The following PTPRS variants were observed in gnomAD, a reference collection of about 807,000 sequenced individuals.
PTPRS encodes protein tyrosine phosphatase receptor type S.
In PTPRS, 63 loss-of-function variants were observed where a neutral mutation model predicts 215.3. The observed-to-expected ratio is 0.29, with a 90% CI of 0.24 to 0.36. The LOEUF (loss-of-function observed/expected upper bound fraction) is 0.36, where lower values mean the gene tolerates loss of function less well. PTPRS is among the 10% of genes least tolerant of loss of function. The pLI, the probability that PTPRS is intolerant of heterozygous loss-of-function variation, is 1.00. For synonymous variants in PTPRS, 1,404 were observed against 1,191.4 expected, an observed-to-expected ratio of 1.18 and a Z score of -3.68; for missense variants, 2,258 against 2,825.8, an observed-to-expected ratio of 0.80 and a Z score of 4.56.
chr19:5,303,954 A>AAAAAAAAATAAAAATAAAATAAAAAT, intron 1 of PTPRS, among the ~76,000 whole-genome samples: 2 of 132,254 alleles, frequency 1.5e-5, no homozygotes, highest in African/African-American at 6.1e-5. Flanking sequence ...CTGTCTCAAA[A>AAAAAAAAATAAAAATAAAATAAAAAT]AATAATAATA....
rs748258452 is a variant in PTPRS, at chr19:5,206,846, G to A, written c.5779-4C>T. On this transcript the variant is annotated splice_region_variant and splice_polypyrimidine_tract_variant and intron_variant, in intron 37 of 37. Transcript: ENST00000262963. ...GGTAACAGAACTGGTACTCATCCTGGGGGAGCAGAGGTGACCTGTTAGTAC... is the reference window on the plus strand; with the variant it reads ...GGTAACAGAACTGGTACTCATCCTGAGGGAGCAGAGGTGACCTGTTAGTAC... The A allele has an allele frequency of 6.2e-7, 1 of 1,613,972 alleles. No homozygotes were observed. The highest frequency in any genetic ancestry group is 8.5e-7 in the Non-Finnish European group (1 of 1,179,878).
chr19:5,210,510 G>A lies in PTPRS; in HGVS notation c.5446C>T (p.Pro1816Ser), dbSNP rs1357194928. Residue 1816 changes from proline (P) to serine (S), a missense_variant, in exon 35 of 38, where the codon CCT (proline) becomes TCT (serine). By Grantham distance (74) the Pro-to-Ser change is moderately conservative (BLOSUM62 -1). Coordinates refer to ENST00000262963, the MANE Select transcript of PTPRS (RefSeq NM_002850.4). This position sits in a 1 kb window ranked among gnomAD's most constrained non-coding sequence, Gnocchi z 4.5. The stretch of plus-strand genomic sequence containing the variant: ...TTGAACTCTCGCAGGATATACTGAG[G>A]CATGTTGTATTCTGCCATCGGATCT... ...VVDPMAEYNM[P>S]QYILREFKVT... 5 of 1,614,064 alleles carry A rather than the reference G, an allele frequency of 3.1e-6. No homozygotes were observed. Among genetic ancestry groups the A allele is most frequent in the African/African-American group, 1.3e-5 (1 of 74,924 alleles).
At chr19:5,311,029 G>A (rs1359050907) in intron 1 of PTPRS, among the ~76,000 whole-genome samples, 1 of 152,116 alleles carries the variant, frequency 6.6e-6, no homozygotes, top group Non-Finnish European at 1.5e-5. Context: ...ATAGGTGCAT[G>A]CCACCACGCC....
Position 5,216,807 on chromosome 19 carries a change from G to T in PTPRS, c.4049-40C>A. 2.8e-6 allele frequency: 4 copies of T among 1,408,776 alleles called. No homozygotes were observed. The South Asian group carries it at 3.7e-5, about 13-fold the overall frequency. 87.3% of individuals were successfully genotyped at this position (1,408,776 alleles called of 1,614,324 possible). A position where few individuals can be genotyped will look rare whatever the true frequency, so the allele number is the denominator to read the frequency against. On this transcript the variant is annotated intron_variant, in intron 25 of 37. Coordinates refer to ENST00000262963, the MANE Select transcript of PTPRS (RefSeq NM_002850.4). ...CAATAAATAAATGAAAACATGCAGG[G>T]GGTAGGGGGGGGTCCCACCTCTGCC...
chr19:5,330,743 G>T (rs1197227658), intron 1 of PTPRS, among the ~76,000 whole-genome samples: 1 of 152,188 alleles, frequency 6.6e-6, no homozygotes, highest in African/African-American at 2.4e-5. Context: ...CCGAACCTGG[G>T]GCGTTCAGAC....
intron 9 of PTPRS, among the ~76,000 whole-genome samples, chr19:5,255,637 CAG>C (rs2045492910): frequency 6.7e-6 from 1 of 150,370 alleles, no homozygotes; most frequent in African/African-American, 2.4e-5. Flanking sequence ...AAGAGAAAAA[CAG>C]AACAGAAGAC....
At position 5,207,916 on chromosome 19, in the gene PTPRS, C is replaced by T; in HGVS notation, c.5778+6G>A. On this transcript the variant is annotated splice_donor_region_variant and intron_variant, in intron 37 of 37. Transcript: ENST00000262963. ...AGGCTGCCTCCCCTCCCTGTCCCAT[C>T]TTTACCTCTGTCTGCACCATGGCCG... is the stretch of plus-strand genomic sequence containing the variant. The T allele has an allele frequency of 1.9e-6, 3 of 1,613,286 alleles. No homozygotes were observed. Among genetic ancestry groups the T allele is most frequent in the South Asian group, 1.1e-5 (1 of 91,050 alleles).
At chr19:5,268,307 G>A (rs2046607427) in intron 4 of PTPRS, among the ~76,000 whole-genome samples, 1 of 152,130 alleles carries the variant, frequency 6.6e-6, no homozygotes, top group African/African-American at 2.4e-5. Context: ...CGTCCAGCCT[G>A]TAGAGCCAAA....
At chr19:5,247,936 G>A (rs571632107) in intron 9 of PTPRS, among the ~76,000 whole-genome samples, 348 of 151,880 alleles carry the variant, frequency 2.3e-3, no homozygotes, top group Non-Finnish European at 3.9e-3. Flanking sequence ...AGACAGGATG[G>A]AGGGAGTGGA....
chr19:5,260,887 C>G (rs2045942526), intron 6 of PTPRS, 65 bp from the exon 7 acceptor site: 7 of 1,580,502 alleles, frequency 4.4e-6, no homozygotes, highest in Non-Finnish European at 6.1e-6. Flanking sequence ...CCGGGGGGCC[C>G]CAGGGAAGCT....
chr19:5,235,704 C>G (rs1318407965), intron 13 of PTPRS, among the ~76,000 whole-genome samples: 2 of 152,284 alleles, frequency 1.3e-5, no homozygotes, highest in East Asian at 3.9e-4. Context: ...TGAGTGCCAA[C>G]TAGGTGCCCA....
intron 11 of PTPRS, 99 bp from the exon 12 acceptor site, chr19:5,240,431 G>A: frequency 2.4e-6 from 3 of 1,244,684 alleles, no homozygotes; most frequent in Middle Eastern, 2.5e-4. Context: ...GCCAGCTCTG[G>A]GTGCTTCTAG....
At chr19:5,302,506 C>T (rs1357231665) in intron 1 of PTPRS, among the ~76,000 whole-genome samples, 2 of 152,208 alleles carry the variant, frequency 1.3e-5, no homozygotes, top group Non-Finnish European at 2.9e-5. Context: ...AACATTGTTA[C>T]AATGAAAATA....
Position 5,208,065 on chromosome 19 carries a change from C to T in PTPRS, c.5643-8G>A. 1 of 1,608,674 alleles carries T rather than the reference C, an allele frequency of 6.2e-7. No homozygotes were observed. The highest frequency in any genetic ancestry group is 8.5e-7 in the Non-Finnish European group (1 of 1,176,752). On this transcript the variant is annotated splice_polypyrimidine_tract_variant and splice_region_variant and intron_variant, in intron 36 of 37. Coordinates refer to ENST00000262963, the MANE Select transcript of PTPRS (RefSeq NM_002850.4). ...GTCCTGCCCACGCCGGCACTGGTGG[C>T]AGTAAAGTGAGCACAGCCATTCAGG...
intron 1 of PTPRS, among the ~76,000 whole-genome samples, chr19:5,330,556 C>G (rs773847366): frequency 5.3e-4 from 81 of 152,214 alleles, no homozygotes; most frequent in Non-Finnish European, 1.0e-4. Context: ...AGGGTAGACT[C>G]ATCCAGCTCC....
intron 3 of PTPRS, among the ~76,000 whole-genome samples, 174 bp downstream of exon 3, chr19:5,274,025 T>C (rs2047145804): frequency 6.6e-6 from 1 of 152,176 alleles, no homozygotes; most frequent in African/African-American, 2.4e-5. Flanking sequence ...ATGGAGCTGG[T>C]AGAGCAAGTA....
At position 5,266,877 on chromosome 19, in the gene PTPRS, C is replaced by A. The variant is rs2046439100; in HGVS notation, c.380-1681G>T. On this transcript the variant is annotated intron_variant, in intron 4 of 37. Coordinates refer to ENST00000262963, the MANE Select transcript of PTPRS (RefSeq NM_002850.4). ...CTGTTCTGTTCCCTCAGCCTGGAAT[C>A]CCCGTTCCCACATCTGTCTACTGAT... 1.3e-5 allele frequency among the ~76,000 whole-genome samples: 2 copies of A among 152,266 alleles called. 1 individual carries two copies. The highest frequency in any genetic ancestry group is 3.9e-4 in the East Asian group (2 of 5,176).
chr19:5,250,188 C>T (rs936539989), intron 9 of PTPRS, among the ~76,000 whole-genome samples: 5 of 152,192 alleles, frequency 3.3e-5, no homozygotes, highest in Admixed American at 6.5e-5. Flanking sequence ...CTTTCTCACC[C>T]GCCTCATTTG....
intron 1 of PTPRS, among the ~76,000 whole-genome samples, chr19:5,324,018 T>G (rs2050102110): frequency 6.6e-6 from 1 of 151,588 alleles, no homozygotes. Context: ...ATGCTTAAGC[T>G]CAGAAGTTCA....
Sources: allele counts gnomAD v4.1 joint callset (sites outside exome capture counted in the v4.1 genomes callset), GRCh38; gene constraint gnomAD v4.1.1; non-coding constraint Gnocchi (gnomAD v3.1); transcripts MANE v1.5; gene names NCBI Gene and HGNC (gene_info 2026-07-23, HGNC 2026-07-21).